The following DYSF variants were observed in gnomAD, a reference collection of about 807,000 sequenced individuals.
DYSF encodes the protein dystrophy-associated fer-1-like 1.
DYSF carries 212 observed loss-of-function variants against 274.9 expected under a neutral mutation model. The observed-to-expected ratio is 0.77, with a 90% CI of 0.69 to 0.86. DYSF has a LOEUF of 0.86. Among genes scored for constraint, DYSF ranks in the 40% least tolerant of loss-of-function variants. DYSF has a pLI of 0.00. For synonymous variants in DYSF, 1,091 were observed against 1,078.7 expected (o/e 1.01, Z -0.22); for missense variants, 2,666 against 2,783.2 (o/e 0.96, Z 0.95).
chr2:71,650,135 A>AG (rs1487529674), intron 42 of DYSF, among the ~76,000 whole-genome samples: 1 of 152,198 alleles, frequency 6.6e-6, no homozygotes, highest in African/African-American at 2.4e-5. Flanking sequence ...ACTGGTTGGT[A>AG]GGGGGAGATT....
In DYSF at chr2:71,574,274, G is replaced by T. The variant is rs369345918; in HGVS notation, c.3305G>T (p.Arg1102Leu). The change falls in exon 30 of 56, where the codon CGC (arginine) becomes CTC (leucine). Residue 1102 changes from arginine (R) to leucine (L), a missense_variant. Physicochemically the swap from Arg to Leu is moderately radical, Grantham distance 102 (BLOSUM62 -2). Coordinates refer to ENST00000410020, the MANE Select transcript of DYSF (RefSeq NM_001130987.2). ...GGCTGGAAGTTCCACCTCGAGTACC[G>T]CAAGACAGATGCCTTCCGCCGCCGC... is the stretch of plus-strand genomic sequence containing the variant. ...LFGWKFHLEY[R>L]KTDAFRRRRW... 24 of 1,614,034 alleles carry T rather than the reference G, an allele frequency of 1.5e-5. No individual in the cohort carries two copies. Among genetic ancestry groups the T allele is most frequent in the Middle Eastern group, 1.6e-4 (1 of 6,084 alleles).
At chr2:71,649,731 C>G (rs142489561) in intron 42 of DYSF, among the ~76,000 whole-genome samples, 3 of 152,084 alleles carry the variant, frequency 2.0e-5, no homozygotes, top group Non-Finnish European at 4.4e-5. Flanking sequence ...AAATACATTA[C>G]ATGACTATAT....
At chr2:71,584,169 AGTGT>A (rs35577501) in intron 30 of DYSF, among the ~76,000 whole-genome samples, 7 of 139,112 alleles carry the variant, frequency 5.0e-5, no homozygotes, top group Non-Finnish European at 7.8e-5. Flanking sequence ...GCTGGGCAAG[AGTGT>A]GTGTGTGTGT....
chr2:71,465,833 G>C (rs1200548094), upstream of DYSF, among the ~76,000 whole-genome samples: 1 of 152,160 alleles, frequency 6.6e-6, no homozygotes, highest in Non-Finnish European at 1.5e-5. Context: ...CGCTGGAAAG[G>C]AACCAGACAT....
intron 32 of DYSF, among the ~76,000 whole-genome samples, chr2:71,596,170 G>T (rs2093403406): frequency 6.6e-6 from 1 of 151,928 alleles, no homozygotes; most frequent in African/African-American, 2.4e-5. Context: ...GTAGGTCTGG[G>T]TGATTTTTGT....
At chr2:71,523,792 G>A (rs1034327117) in intron 12 of DYSF, among the ~76,000 whole-genome samples, 1 of 151,964 alleles carries the variant, frequency 6.6e-6, no homozygotes, top group African/African-American at 2.4e-5. Flanking sequence ...TGATCCACTC[G>A]CCTCGGCCTC....
At chr2:71,657,109 C>T (rs2094789608) in intron 43 of DYSF, among the ~76,000 whole-genome samples, 1 of 152,160 alleles carries the variant, frequency 6.6e-6, no homozygotes, top group Admixed American at 6.5e-5. Flanking sequence ...TTCCTAGATA[C>T]AATGGGGGTG....
In DYSF at chr2:71,659,026, A is replaced by C. The variant is rs772664716; in HGVS notation, c.4904A>C (p.Asn1635Thr). ...TTTGGCCTGCAGCCCAAGGACCCCA[A>C]TGGAAAGGTAACTTTCCTAGAGCCC... The part of the protein sequence containing the change: ...RAFGLQPKDP[N>T]GKCDPYIKIS... Residue 1635 changes from asparagine to threonine, a missense_variant, in exon 44 of 56, where the codon AAT (asparagine) becomes ACT (threonine). Asn to Thr is a moderately conservative substitution (Grantham distance 65, BLOSUM62 0). This residue lies in a region of DYSF where 1,460 missense variants were observed against 1,502.1 expected (regional missense o/e 0.97). Coordinates refer to ENST00000410020, the MANE Select transcript of DYSF (RefSeq NM_001130987.2). 5.6e-6 allele frequency: 9 copies of C among 1,614,126 alleles called. No individual in the cohort carries two copies. The highest frequency in any genetic ancestry group is 6.8e-6 in the Non-Finnish European group (8 of 1,180,012).
chr2:71,482,040 A>T, intron 3 of DYSF, 70 bp downstream of exon 3: 1 of 1,300,628 alleles, frequency 7.7e-7, no homozygotes. Context: ...TACAGACTGC[A>T]GAATCCCAGG....
chr2:71,667,575 G>A, intron 48 of DYSF, 60 bp downstream of exon 48: 1 of 1,607,154 alleles, frequency 6.2e-7, no homozygotes, highest in South Asian at 1.1e-5. Flanking sequence ...CAACCCCAGG[G>A]ACAACATGGA....
chr2:71,529,532 A>G (rs899986468), intron 14 of DYSF, among the ~76,000 whole-genome samples: 5 of 152,222 alleles, frequency 3.3e-5, no homozygotes, highest in African/African-American at 4.8e-5. Flanking sequence ...GATGTTCTGC[A>G]TGTCATATGG....
intron 20 of DYSF, 60 bp from the exon 21 acceptor site, chr2:71,553,747 A>ACG: frequency 5.0e-5 from 44 of 872,666 alleles, no homozygotes; most frequent in Non-Finnish European, 7.0e-5. Flanking sequence ...CACTCTTAGC[A>ACG]CCCCATCCCA....
chr2:71,611,271 A>G lies in DYSF; in HGVS notation c.3984A>G (p.Pro1328=). The G allele has an allele frequency of 7.4e-6, 12 of 1,613,586 alleles. No homozygotes were observed. The highest frequency in any genetic ancestry group is 8.5e-6 in the Non-Finnish European group (10 of 1,179,776). The change falls in exon 37 of 56, where the codon CCA becomes CCG. Residue 1328 remains proline (P), a synonymous_variant. Coordinates refer to ENST00000410020, the MANE Select transcript of DYSF (RefSeq NM_001130987.2). ...CTGAGGACACAGACCTGCCCTACCC[A>G]CCACCCCAGAGGGAGGCCAACATCT... ...DESEDTDLPY[P]PPQREANIYM...
chr2:71,595,408 T>C (rs1221371253), intron 32 of DYSF, among the ~76,000 whole-genome samples: 1 of 152,190 alleles, frequency 6.6e-6, no homozygotes, highest in Non-Finnish European at 1.5e-5. Flanking sequence ...CATACGATCA[T>C]GGCCGAGCGA....
In DYSF at chr2:71,580,561, C is replaced by T. The variant is rs528230363; in HGVS notation, c.3402+6190C>T. 6.6e-5 allele frequency among the ~76,000 whole-genome samples: 10 copies of T among 152,302 alleles called. No individual in the cohort carries two copies. The East Asian group carries it at 1.5e-3, about 24-fold the overall frequency. ...CTGGCACTGTGAGCAAGGGCAGGCC[C>T]TGGGAGGTGCGAGGGGTTTACCTCA... On this transcript the variant is annotated intron_variant, in intron 30 of 55. Coordinates refer to ENST00000410020, the MANE Select transcript of DYSF (RefSeq NM_001130987.2).
intron 1 of DYSF, among the ~76,000 whole-genome samples, chr2:71,461,184 T>G (rs1327781123): frequency 1.3e-5 from 2 of 152,114 alleles, no homozygotes; most frequent in Non-Finnish European, 2.9e-5. Flanking sequence ...CTCCACAGTC[T>G]AGCTAGACAC....
intron 32 of DYSF, among the ~76,000 whole-genome samples, chr2:71,598,074 GTC>G (rs781668368): frequency 3.0e-4 from 46 of 152,334 alleles, no homozygotes; most frequent in Non-Finnish European, 5.4e-4. Context: ...TGCATTTTAT[GTC>G]TATTCTTCAA....
intron 41 of DYSF, among the ~76,000 whole-genome samples, chr2:71,641,335 C>T (rs1380839464): frequency 2.0e-5 from 3 of 151,670 alleles, no homozygotes; most frequent in African/African-American, 4.8e-5. Context: ...CCCGCCACCA[C>T]GCCCGGCTAA....
intron 42 of DYSF, among the ~76,000 whole-genome samples, chr2:71,653,830 A>G (rs114011837): frequency 0.052 from 7,790 of 151,010 alleles, 678 homozygotes; most frequent in African/African-American, 0.18. Flanking sequence ...AAATTAAAAA[A>G]TAATAATAAT....
Sources: gnomAD v4.1 joint callset for allele counts (sites outside exome capture counted in the v4.1 genomes callset) on GRCh38, gnomAD v4.1.1 for gene constraint, gnomAD v4.1.1 regional missense constraint, MANE v1.5 for transcripts, NCBI Gene and HGNC (gene_info 2026-07-23, HGNC 2026-07-21) for gene names.